Variants in RTL4 observed in about 807,000 individuals in gnomAD.
RTL4 encodes retrotransposon Gag-like protein 4.
RTL4 carries 4 observed loss-of-function variants against 5.3 expected under a neutral mutation model. The observed-to-expected ratio is 0.75, with a 90% CI of 0.37 to 1.72. The LOEUF is 1.72. RTL4 is among the 40% of genes most tolerant of loss of function. RTL4 has a pLI of 0.04. For synonymous variants in RTL4, 98 were observed against 87.3 expected, an observed-to-expected ratio of 1.12 and a Z score of -0.68; for missense variants, 260 against 227.1, an observed-to-expected ratio of 1.14 and a Z score of -0.93.
At chrX:112,084,887 G>C in the RTL4 span, among the ~76,000 whole-genome samples, 2 of 112,146 alleles carry the variant, frequency 1.8e-5, no homozygotes, top group Non-Finnish European at 3.8e-5. Flanking sequence ...TGTGGATAAG[G>C]TTAAAATTTC....
chrX:112,358,284 T>G, the RTL4 span, among the ~76,000 whole-genome samples: 1 of 108,267 alleles, frequency 9.2e-6, no homozygotes, highest in Non-Finnish European at 1.9e-5. Flanking sequence ...CATTTTTTTT[T>G]TTTTTTTAGA....
At chrX:112,386,695 T>C in the RTL4 span, among the ~76,000 whole-genome samples, 1 of 112,245 alleles carries the variant, frequency 8.9e-6, no homozygotes, top group Admixed American at 9.5e-5. Context: ...TTCGTTCCTT[T>C]TTATGGCTAA....
chrX:112,130,241 CTTTTCTTTTTTT>C, the RTL4 span, among the ~76,000 whole-genome samples: 1 of 104,560 alleles, frequency 9.6e-6, no homozygotes, highest in African/African-American at 3.6e-5. Flanking sequence ...CTTTTCTTTT[CTTTTCTTTTTTT>C]TTTTTTTGAG....
exon 1 of RTL4, chrX:112,454,878 A>C: frequency 1.7e-6 from 2 of 1,211,200 alleles, no homozygotes; most frequent in Non-Finnish European, 2.2e-6. Context: ...TGGCCACCAC[A>C]GTGATGCCTG....
chrX:112,443,797 C>T, the RTL4 span, among the ~76,000 whole-genome samples: 24 of 111,115 alleles, frequency 2.2e-4, no homozygotes, highest in South Asian at 1.1e-3. Context: ...AGATTTTTTT[C>T]GTAGAGTTGT....
the RTL4 span, among the ~76,000 whole-genome samples, chrX:112,090,271 C>A: frequency 1.8e-5 from 2 of 110,494 alleles, no homozygotes; most frequent in African/African-American, 3.3e-5. Context: ...GATAGAACTT[C>A]CAGTACCATG....
At chrX:112,365,351 C>T in the RTL4 span, among the ~76,000 whole-genome samples, 1 of 110,766 alleles carries the variant, frequency 9.0e-6, no homozygotes. Flanking sequence ...CATGAAGAGT[C>T]GTGTTAGTGT....
At chrX:112,394,534 T>A in the RTL4 span, among the ~76,000 whole-genome samples, 677 of 111,979 alleles carry the variant, frequency 6.0e-3, no homozygotes, top group Non-Finnish European at 0.01. Flanking sequence ...AAAGTAATTT[T>A]AATTTTCATA....
chrX:112,170,909 G>C, the RTL4 span, among the ~76,000 whole-genome samples: 1 of 111,524 alleles, frequency 9.0e-6, no homozygotes, highest in African/African-American at 3.3e-5. Context: ...TCATTATTTT[G>C]ATGTATGTTC....
the RTL4 span, among the ~76,000 whole-genome samples, chrX:112,284,013 AT>A: frequency 9.1e-6 from 1 of 109,296 alleles, no homozygotes; most frequent in African/African-American, 3.3e-5. Context: ...TTATTTATTT[AT>A]TTTATTTTTC....
chrX:112,087,402 G>A, the RTL4 span, among the ~76,000 whole-genome samples: 1 of 108,202 alleles, frequency 9.2e-6, no homozygotes, highest in Non-Finnish European at 1.9e-5. Flanking sequence ...CAAGCATGAG[G>A]GAACATGTAT....
the RTL4 span, among the ~76,000 whole-genome samples, chrX:112,262,936 T>C: frequency 1.1e-5 from 1 of 95,083 alleles, no homozygotes; most frequent in African/African-American, 4.5e-5. Flanking sequence ...CAGCAAACTA[T>C]CGCAAGGACA....
chrX:112,350,178 G>A, the RTL4 span, among the ~76,000 whole-genome samples: 44 of 110,801 alleles, frequency 4.0e-4, no homozygotes, highest in African/African-American at 1.3e-3. Context: ...ATTGATTTGC[G>A]TATGTTGAAC....
At chrX:112,155,747 A>G in the RTL4 span, among the ~76,000 whole-genome samples, 2 of 111,761 alleles carry the variant, frequency 1.8e-5, no homozygotes, top group African/African-American at 6.5e-5. Flanking sequence ...TAATTTCTAG[A>G]GTTCTGGAAA....
the RTL4 span, among the ~76,000 whole-genome samples, chrX:112,300,098 C>G: frequency 9.0e-6 from 1 of 111,550 alleles, no homozygotes; most frequent in East Asian, 2.8e-4. Context: ...ATCTATCTAT[C>G]TATCTATCTA....
At chrX:112,257,869 CTGTGTATATATATATA>C in the RTL4 span, among the ~76,000 whole-genome samples, 1 of 88,791 alleles carries the variant, frequency 1.1e-5, no homozygotes, top group Non-Finnish European at 2.1e-5. Context: ...TAGCTCAAAA[CTGTGTATATATATATA>C]TGTGTATATA....
chrX:112,108,973 A>G, the RTL4 span, among the ~76,000 whole-genome samples: 1,244 of 110,144 alleles, frequency 0.011, 18 homozygotes, highest in African/African-American at 0.039. Flanking sequence ...ATTGAGGTCT[A>G]TGATCATTTT....
the RTL4 span, among the ~76,000 whole-genome samples, chrX:112,424,860 A>G: frequency 2.6e-4 from 29 of 110,142 alleles, no homozygotes; most frequent in Admixed American, 7.7e-4. Flanking sequence ...GCCTCCCACA[A>G]ACTCCCCCAT....
the RTL4 span, among the ~76,000 whole-genome samples, chrX:112,137,369 T>C: frequency 1.8e-5 from 2 of 111,783 alleles, no homozygotes; most frequent in South Asian, 7.5e-4. Context: ...GACTAGGTAA[T>C]TTACGAAGGA....
Sources: gnomAD v4.1 joint callset for allele counts (sites outside exome capture counted in the v4.1 genomes callset) on GRCh38, gnomAD v4.1.1 for gene constraint, MANE v1.5 for transcripts, NCBI Gene and HGNC (gene_info 2026-07-23, HGNC 2026-07-21) for gene names.